The following AFF1 variants were observed in gnomAD, a reference collection of about 807,000 sequenced individuals.
AFF1 encodes the protein AF4/FMR2 family member 1.
Under a neutral mutation model 121.7 loss-of-function variants are expected in AFF1, and 48 were observed. The observed-to-expected ratio is 0.39, with a 90% CI of 0.31 to 0.50. The LOEUF is 0.50. AFF1 is among the 20% of genes least tolerant of loss of function. The probability of loss-of-function intolerance (pLI) is 0.76; values close to 1 mark genes in which losing one functional copy is unlikely to be tolerated. For synonymous variants in AFF1, 613 were observed against 563.0 expected (o/e 1.09, Z -1.26); for missense variants, 1,523 against 1,511.7 (o/e 1.01, Z -0.12).
chr4:87,034,716 G>C (rs554545154), intron 2 of AFF1, among the ~76,000 whole-genome samples: 1 of 152,132 alleles, frequency 6.6e-6, no homozygotes, highest in Admixed American at 6.5e-5. Context: ...AACTCTCTTG[G>C]TCCATCTAAG....
At chr4:87,101,863 A>G (rs1037637398) in intron 8 of AFF1, among the ~76,000 whole-genome samples, 2 of 152,248 alleles carry the variant, frequency 1.3e-5, no homozygotes, top group African/African-American at 4.8e-5. Context: ...AAGCCAAGAA[A>G]TAAGGTTATG....
At chr4:87,094,752 A>G (rs1408703584) in intron 7 of AFF1, among the ~76,000 whole-genome samples, 163 bp from the exon 8 acceptor site, 1 of 152,220 alleles carries the variant, frequency 6.6e-6, no homozygotes, top group Non-Finnish European at 1.5e-5. Flanking sequence ...TTCTGAACCA[A>G]GCATTCTCTC....
chr4:87,089,387 A>C (rs1472922970), intron 5 of AFF1, among the ~76,000 whole-genome samples: 2 of 152,216 alleles, frequency 1.3e-5, no homozygotes. Flanking sequence ...AATTGTAAAA[A>C]TTAAGCTTCT....
intron 4 of AFF1, among the ~76,000 whole-genome samples, chr4:87,064,895 C>T (rs542649076): frequency 9.5e-5 from 13 of 136,724 alleles, no homozygotes; most frequent in Admixed American, 4.4e-4. Flanking sequence ...AAAAAAAAGC[C>T]GGGTGTTGTG....
intron 2 of AFF1, among the ~76,000 whole-genome samples, chr4:87,022,562 A>C (rs1159439766): frequency 1.8e-5 from 1 of 54,350 alleles, no homozygotes; most frequent in Non-Finnish European, 3.8e-5. Flanking sequence ...ATATATATAT[A>C]TATATATATA....
At position 87,077,355 on chromosome 4, in the gene AFF1, AG is replaced by A. The variant is rs560018529; in HGVS notation, c.1060-6763del. On this transcript the variant is annotated intron_variant, in intron 4 of 20. Transcript: ENST00000395146. ...TACGTAGGGTGTGCCCAGAGCACCAAGGTGTAAGCTGGGGACAGTTTAACAT... is the reference window on the plus strand; with the variant it reads ...TACGTAGGGTGTGCCCAGAGCACCAAGTGTAAGCTGGGGACAGTTTAACAT... Among the ~76,000 whole-genome samples, 19 of 152,316 alleles carry A rather than the reference AG, an allele frequency of 1.2e-4. No individual in the cohort carries two copies. The East Asian group carries it at 3.7e-3, about 29-fold the overall frequency.
chr4:87,046,678 T>A lies in AFF1; in HGVS notation c.160-17T>A, dbSNP rs1302436715. The A allele has an allele frequency of 6.3e-7, 1 of 1,583,134 alleles. No individual in the cohort carries two copies. The highest frequency in any genetic ancestry group is 2.3e-5 in the East Asian group (1 of 44,438). On this transcript the variant is annotated splice_polypyrimidine_tract_variant and intron_variant, in intron 3 of 20. Coordinates refer to ENST00000395146, the MANE Select transcript of AFF1 (RefSeq NM_001166693.3). ...TCCTTAGTTTTTTTTCATTCTCAAA[T>A]TCTCCTTTTTTTTCAGACAGCAAAA...
In AFF1 at chr4:87,126,347, G is replaced by A; in HGVS notation, c.2811+11G>A. 6.2e-7 allele frequency: 1 copy of A among 1,611,402 alleles called. No homozygotes were observed. The highest frequency in any genetic ancestry group is 8.5e-7 in the Non-Finnish European group (1 of 1,177,584). Reference sequence around the variant, plus strand: ...TCCTCGGAGCACAAGGTGAGCAGGGGCGGCGGTCACTCTGTAAGATGGGAT... The same window carrying A: ...TCCTCGGAGCACAAGGTGAGCAGGGACGGCGGTCACTCTGTAAGATGGGAT... On this transcript the variant is annotated intron_variant, in intron 14 of 20. Coordinates refer to ENST00000395146, the MANE Select transcript of AFF1 (RefSeq NM_001166693.3).
chr4:87,049,859 AGTCGTCAATCCGGGAAGT>A, intron 4 of AFF1: 1 of 399,940 alleles, frequency 2.5e-6, no homozygotes, highest in South Asian at 1.7e-5. Context: ...GGAATGAAGG[AGTCGTCAATCCGGGAAGT>A]GGGGATCTTG....
chr4:86,937,882 A>G (rs889560849), intron 1 of AFF1, among the ~76,000 whole-genome samples: 10 of 152,208 alleles, frequency 6.6e-5, no homozygotes, highest in Non-Finnish European at 1.5e-4. Flanking sequence ...CTGAGATTAC[A>G]GGTGGAAGCC....
chr4:87,117,028 C>A (rs970877883), intron 12 of AFF1, among the ~76,000 whole-genome samples: 3 of 152,128 alleles, frequency 2.0e-5, no homozygotes, highest in Admixed American at 2.0e-4. Context: ...CAGTGCTGAC[C>A]GTCTGCATTA....
intron 2 of AFF1, among the ~76,000 whole-genome samples, chr4:86,951,375 C>CA (rs5860045): frequency 0.86 from 127,525 of 147,718 alleles, 55,882 homozygotes; most frequent in East Asian, 0.99. Flanking sequence ...CTTGATGTCA[C>CA]AAAAAAAAAA....
At chr4:86,968,040 A>G (rs1722657431) in intron 2 of AFF1, among the ~76,000 whole-genome samples, 1 of 152,184 alleles carries the variant, frequency 6.6e-6, no homozygotes, top group South Asian at 2.1e-4. Flanking sequence ...TGGAGCTGAT[A>G]AAGAAGCTGA....
At chr4:87,087,885 CATT>C (rs3836601) in intron 5 of AFF1, among the ~76,000 whole-genome samples, 48,831 of 151,872 alleles carry the variant, frequency 0.32, 8,373 homozygotes, top group South Asian at 0.47. Context: ...TGTGTTGTAA[CATT>C]ATAATGGTTC....
At chr4:87,042,767 A>G (rs1730288191) in intron 2 of AFF1, among the ~76,000 whole-genome samples, 1 of 152,196 alleles carries the variant, frequency 6.6e-6, no homozygotes, top group South Asian at 2.1e-4. Context: ...CCTGTGGGAG[A>G]ATTCTTGATT....
intron 2 of AFF1, among the ~76,000 whole-genome samples, chr4:86,960,337 G>A (rs548784476): frequency 6.6e-4 from 100 of 152,256 alleles, no homozygotes; most frequent in Non-Finnish European, 1.0e-3. Flanking sequence ...AGTGGGTTCC[G>A]CTGCGTTGTT....
intron 20 of AFF1, 43 bp downstream of exon 20, chr4:87,134,737 A>G (rs1729158729): frequency 1.3e-6 from 2 of 1,483,330 alleles, no homozygotes; most frequent in Admixed American, 3.5e-5. Context: ...GGGTGTTTGG[A>G]TTGGGAGGAA....
At chr4:87,126,922 C>G in intron 14 of AFF1, 104 bp from the exon 15 acceptor site, 1 of 984,940 alleles carries the variant, frequency 1.0e-6, no homozygotes, top group Non-Finnish European at 1.6e-6. Flanking sequence ...TTGATTTACT[C>G]TTTTTTGAAA....
chr4:87,004,241 G>A (rs942169585), intron 2 of AFF1, among the ~76,000 whole-genome samples: 15 of 152,170 alleles, frequency 9.9e-5, no homozygotes, highest in African/African-American at 3.1e-4. Context: ...AAGAAGGCTC[G>A]ATGAGTGTGG....
Sources: allele counts gnomAD v4.1 joint callset (sites outside exome capture counted in the v4.1 genomes callset), GRCh38; gene constraint gnomAD v4.1.1; transcripts MANE v1.5; gene names NCBI Gene and HGNC (gene_info 2026-07-23, HGNC 2026-07-21).